The following AKAP6 variants were observed in gnomAD, a reference collection of about 807,000 sequenced individuals.
The protein encoded by AKAP6 is A-kinase anchor protein 6.
Under a neutral mutation model 188.5 loss-of-function variants are expected in AKAP6, and 58 were observed. The ratio of observed to expected loss-of-function variants is 0.31; its 90% CI spans 0.25 to 0.38. AKAP6 has a LOEUF of 0.38. Among genes scored for constraint, AKAP6 ranks in the 10% least tolerant of loss-of-function variants. The pLI is 1.00. For synonymous variants in AKAP6, 989 were observed against 998.6 expected, an observed-to-expected ratio of 0.99 and a Z score of 0.18; for missense variants, 2,710 against 2,740.0, an observed-to-expected ratio of 0.99 and a Z score of 0.24.
intron 2 of AKAP6, among the ~76,000 whole-genome samples, chr14:32,435,991 C>T (rs746845627): frequency 6.6e-6 from 1 of 152,066 alleles, no homozygotes; most frequent in Non-Finnish European, 1.5e-5. Context: ...CTGATTTCCA[C>T]GTTGATCATA....
chr14:32,575,322 G>A (rs116614011), intron 4 of AKAP6, among the ~76,000 whole-genome samples: 1,883 of 152,162 alleles, frequency 0.012, 45 homozygotes, highest in African/African-American at 0.043. Flanking sequence ...TAGAAAAAAA[G>A]GCTGAGTTTG....
intron 7 of AKAP6, among the ~76,000 whole-genome samples, chr14:32,662,800 C>T (rs1888759012): frequency 2.0e-5 from 3 of 152,068 alleles, no homozygotes; most frequent in African/African-American, 7.2e-5. Flanking sequence ...TTTTAGAATA[C>T]ATTGATGATT....
At chr14:32,586,977 T>C (rs1006367032) in intron 5 of AKAP6, among the ~76,000 whole-genome samples, 1 of 152,198 alleles carries the variant, frequency 6.6e-6, no homozygotes, top group Non-Finnish European at 1.5e-5. Context: ...TTGATAGAGA[T>C]TTTACCAGTT....
At chr14:32,672,510 G>A (rs990259033) in intron 7 of AKAP6, among the ~76,000 whole-genome samples, 1 of 152,152 alleles carries the variant, frequency 6.6e-6, no homozygotes, top group South Asian at 2.1e-4. Flanking sequence ...CTGTTCCTCT[G>A]TGCATGCACA....
intron 7 of AKAP6, among the ~76,000 whole-genome samples, chr14:32,647,285 G>A (rs551311857): frequency 1.3e-5 from 2 of 152,204 alleles, no homozygotes; most frequent in African/African-American, 4.8e-5. Flanking sequence ...TGTAATTTCA[G>A]AAATGGTATT....
Position 32,510,448 on chromosome 14 carries a change from A to ATATATATG in AKAP6, c.325-25104_325-25103insTATATGTA, listed in dbSNP as rs1881178035. On this transcript the variant is annotated intron_variant, in intron 2 of 13. Transcript: ENST00000280979. Reference sequence around the variant, plus strand: ...TACATATATATATGTGTATATATATATACATATATATGTGTATATATATAT... The same window carrying ATATATATG: ...TACATATATATATGTGTATATATATATATATATGTACATATATATGTGTATATATATAT... Among the ~76,000 whole-genome samples, 16 of 23,738 alleles carry ATATATATG rather than the reference A, an allele frequency of 6.7e-4. 1 individual carries two copies. Among genetic ancestry groups the ATATATATG allele is most frequent in the African/African-American group, 3.0e-3 (16 of 5,292 alleles). 15.6% of individuals were successfully genotyped at this position (23,738 alleles called of 152,430 possible). A position where few individuals can be genotyped will look rare whatever the true frequency, so the allele number is the denominator to read the frequency against.
chr14:32,409,072 C>G (rs1030815335), intron 1 of AKAP6, among the ~76,000 whole-genome samples: 1 of 152,092 alleles, frequency 6.6e-6, no homozygotes, highest in African/African-American at 2.4e-5. Flanking sequence ...TGGTGGCATA[C>G]GCTTGTAATC....
chr14:32,759,902 A>C (rs973222805), intron 11 of AKAP6, among the ~76,000 whole-genome samples: 3 of 152,232 alleles, frequency 2.0e-5, no homozygotes, highest in African/African-American at 4.8e-5. Context: ...AGATTTGGGC[A>C]GGGACAGCTG....
intron 4 of AKAP6, among the ~76,000 whole-genome samples, chr14:32,553,100 T>C (rs1883544362): frequency 6.6e-6 from 1 of 152,180 alleles, no homozygotes; most frequent in African/African-American, 2.4e-5. Context: ...ATTTGTATCT[T>C]TCTTATAATA....
chr14:32,574,313 G>C (rs1420897799), intron 4 of AKAP6, among the ~76,000 whole-genome samples: 1 of 152,148 alleles, frequency 6.6e-6, no homozygotes, highest in Admixed American at 6.5e-5. Context: ...GAGGACTCCT[G>C]TTTCCCCTAT....
At chr14:32,605,774 A>G (rs1886105303) in intron 7 of AKAP6, among the ~76,000 whole-genome samples, 1 of 152,202 alleles carries the variant, frequency 6.6e-6, no homozygotes, top group South Asian at 2.1e-4. Context: ...AGCAGTTATG[A>G]TCATCTATTT....
Position 32,545,867 on chromosome 14 carries a change from T to C in AKAP6, c.1214T>C (p.Leu405Pro). ...AAAGAGGAAACTTTTAAGAATGATC[T>C]GAAAGGCAATGGTGGAAAGAGGCAA... The part of the protein sequence containing the change: ...FLKEETFKND[L>P]KGNGGKRQMV... The change falls in exon 4 of 14, where the codon CTG (leucine) becomes CCG (proline). Residue 405 changes from leucine to proline, a missense_variant. By Grantham distance (98) the Leu-to-Pro change is moderately conservative (BLOSUM62 -3). This residue lies in a region of AKAP6 where 2,473 missense variants were observed against 2,426.1 expected (regional missense o/e 1.02). Coordinates refer to ENST00000280979, the MANE Select transcript of AKAP6 (RefSeq NM_004274.5). The C allele has an allele frequency of 6.2e-7, 1 of 1,614,222 alleles. No individual in the cohort carries two copies. The highest frequency in any genetic ancestry group is 8.5e-7 in the Non-Finnish European group (1 of 1,180,032).
chr14:32,714,275 A>G (rs770945248), intron 9 of AKAP6, among the ~76,000 whole-genome samples: 21 of 152,052 alleles, frequency 1.4e-4, no homozygotes, highest in Admixed American at 6.6e-4. Context: ...AAAAATTTGA[A>G]ATATTGACCA....
chr14:32,701,954 G>C (rs1462317050), intron 9 of AKAP6, among the ~76,000 whole-genome samples: 1 of 152,058 alleles, frequency 6.6e-6, no homozygotes, highest in Non-Finnish European at 1.5e-5. Flanking sequence ...AGAAGGACGA[G>C]TCAAAAAATT....
At position 32,823,277 on chromosome 14, in the gene AKAP6, A is replaced by C; in HGVS notation, c.5464A>C (p.Ser1822Arg). The change falls in exon 13 of 14, where the codon AGT becomes CGT. Residue 1822 changes from serine to arginine, a missense_variant. This residue lies in a region of AKAP6 where 2,473 missense variants were observed against 2,426.1 expected (regional missense o/e 1.02). Transcript: ENST00000280979. ...AAGAGATAAGAAAAGGTGCAATGTC[A>C]GTGATGAGATGAAGGGCAGTAAAGA... Reference protein sequence around the residue: ...LTRDKKRCNVSDEMKGSKDIS... With the variant: ...LTRDKKRCNVRDEMKGSKDIS... 2 of 1,613,872 alleles carry C rather than the reference A, an allele frequency of 1.2e-6. No homozygotes were observed. The highest frequency in any genetic ancestry group is 1.7e-6 in the Non-Finnish European group (2 of 1,179,900).
intron 12 of AKAP6, among the ~76,000 whole-genome samples, chr14:32,820,791 C>T (rs2034499094): frequency 6.6e-6 from 1 of 152,202 alleles, no homozygotes; most frequent in Admixed American, 6.5e-5. Flanking sequence ...GGAGCAGGGC[C>T]ACAGTCTGAA....
At chr14:32,627,156 C>T (rs1301927301) in intron 7 of AKAP6, among the ~76,000 whole-genome samples, 4 of 152,074 alleles carry the variant, frequency 2.6e-5, no homozygotes, top group African/African-American at 7.2e-5. Flanking sequence ...CTGAATGTAC[C>T]ATCAAATGCT....
Position 32,613,238 on chromosome 14 carries a change from C to T in AKAP6, c.2730+12446C>T, listed in dbSNP as rs553807807. Among the ~76,000 whole-genome samples the T allele has an allele frequency of 7.2e-5, 11 of 152,274 alleles. No individual in the cohort carries two copies. The South Asian group carries it at 2.3e-3, about 32-fold the overall frequency. On this transcript the variant is annotated intron_variant, in intron 7 of 13. Coordinates refer to ENST00000280979, the MANE Select transcript of AKAP6 (RefSeq NM_004274.5). The stretch of plus-strand genomic sequence containing the variant: ...CCCTGCTGTCTTTCACTTGATACCT[C>T]GTGTATATACTCAAGCTATCATTAG...
chr14:32,800,039 G>GTCTCTC (rs762313539), intron 12 of AKAP6, among the ~76,000 whole-genome samples: 5 of 112,714 alleles, frequency 4.4e-5, no homozygotes, highest in Non-Finnish European at 7.4e-5. Flanking sequence ...GCAAAACCCT[G>GTCTCTC]TCTCTCTCTC....
Sources: gnomAD v4.1 joint callset for allele counts (sites outside exome capture counted in the v4.1 genomes callset) on GRCh38, gnomAD v4.1.1 for gene constraint, gnomAD v4.1.1 regional missense constraint, MANE v1.5 for transcripts, NCBI Gene and HGNC (gene_info 2026-07-23, HGNC 2026-07-21) for gene names.